The following GJA5 variants were observed in gnomAD, a reference collection of about 807,000 sequenced individuals.
GJA5 encodes the protein gap junction protein alpha 5.
A neutral mutation model predicts 7.9 loss-of-function variants in GJA5; 3 were observed. The observed-to-expected ratio is 0.38, with a 90% CI of 0.17 to 0.99. The LOEUF is 0.99. Ranked by LOEUF, GJA5 falls within the 50% of genes least tolerant of loss-of-function variation. The pLI, the probability that GJA5 is intolerant of heterozygous loss-of-function variation, is 0.38. For synonymous variants in GJA5, 193 were observed against 181.0 expected, an observed-to-expected ratio of 1.07 and a Z score of -0.53; for missense variants, 390 against 457.9, an observed-to-expected ratio of 0.85 and a Z score of 1.35.
intron 1 of GJA5, among the ~76,000 whole-genome samples, chr1:147,769,803 G>A (rs1236882068): frequency 1.3e-5 from 2 of 151,974 alleles, no homozygotes; most frequent in South Asian, 2.1e-4. Context: ...GAGGTGTAGG[G>A]CCCAATCAAA....
chr1:147,764,816 TC>T (rs2148962438), upstream of GJA5, among the ~76,000 whole-genome samples: 1 of 80,272 alleles, frequency 1.2e-5, no homozygotes, highest in East Asian at 3.4e-4. Flanking sequence ...AGAGTGAGAC[TC>T]CGTCTCAAAA....
intron 1 of GJA5, 122 bp from the exon 2 acceptor site, chr1:147,759,393 A>G (rs1553227139): frequency 3.2e-6 from 2 of 633,448 alleles, no homozygotes; most frequent in Non-Finnish European, 2.8e-6. Context: ...AAGAAAATGC[A>G]ACTTAGAAGT....
At chr1:147,771,050 C>G (rs1433589761) in intron 1 of GJA5, among the ~76,000 whole-genome samples, 1 of 152,144 alleles carries the variant, frequency 6.6e-6, no homozygotes, top group East Asian at 1.9e-4. Context: ...GGGGGCAGAG[C>G]TTTGGCCTTG....
Position 147,758,233 on chromosome 1 carries a change from C to T in GJA5, c.1006G>A (p.Gly336Ser), listed in dbSNP as rs782650035. ...GVSPGHRLPH[G>S]YHSDKRRLSK... ...AGACGTCGCTTGTCACTATGATAGC[C>T]ATGGGGAAGGCGGTGACCTGGTGAG... Residue 336 changes from glycine (G) to serine (S), a missense_variant, in exon 2 of 2, where the codon GGC becomes AGC. Coordinates refer to ENST00000579774, the MANE Select transcript of GJA5 (RefSeq NM_181703.4). 2.0e-5 allele frequency: 33 copies of T among 1,614,020 alleles called. No homozygotes were observed. Among genetic ancestry groups the T allele is most frequent in the Non-Finnish European group, 2.7e-5 (32 of 1,180,008 alleles).
At chr1:147,769,059 C>A (rs1165647252) in intron 1 of GJA5, among the ~76,000 whole-genome samples, 2 of 152,230 alleles carry the variant, frequency 1.3e-5, no homozygotes, top group Non-Finnish European at 2.9e-5. Context: ...TAGCTTCTGC[C>A]TTACTGGCTG....
intron 1 of GJA5, among the ~76,000 whole-genome samples, chr1:147,760,018 C>G: frequency 6.6e-6 from 1 of 152,026 alleles, no homozygotes; most frequent in East Asian, 1.9e-4. Flanking sequence ...AGGTGGCAAA[C>G]AAAAAGTGTG....
In GJA5 at chr1:147,759,280, G is replaced by T. The variant is rs782419411; in HGVS notation, c.-33-9C>A. On this transcript the variant is annotated splice_polypyrimidine_tract_variant and intron_variant, in intron 1 of 1. Transcript: ENST00000579774. ...AACAGATGCCAAAACTTCTGCAAATGGGAGAGAGAGAAAGAGAGAAAAGAA... is the reference window on the plus strand; with the variant it reads ...AACAGATGCCAAAACTTCTGCAAATTGGAGAGAGAGAAAGAGAGAAAAGAA... 1.6e-6 allele frequency: 2 copies of T among 1,239,816 alleles called. No individual in the cohort carries two copies. 76.8% of individuals were successfully genotyped at this position (1,239,816 alleles called of 1,614,324 possible).
intron 1 of GJA5, among the ~76,000 whole-genome samples, chr1:147,768,164 A>AAG (rs1288164276): frequency 6.6e-6 from 1 of 152,172 alleles, no homozygotes; most frequent in African/African-American, 2.4e-5. Flanking sequence ...AAGAGAGGAG[A>AAG]AGAGATGAGT....
rs971411218 is a variant in GJA5, at chr1:147,756,490, G to A, written c.*1672C>T. The A allele has an allele frequency of 1.3e-5, 2 of 152,182 alleles. No individual in the cohort carries two copies. Among genetic ancestry groups the A allele is most frequent in the African/African-American group, 2.4e-5 (1 of 41,446 alleles). The allele number at this position is 152,182 out of a possible 1,614,324, so 9.4% of individuals were successfully genotyped here. A position where few individuals can be genotyped will look rare whatever the true frequency, so the allele number is the denominator to read the frequency against. On this transcript the variant is annotated 3_prime_UTR_variant, in exon 2 of 2. Coordinates refer to ENST00000579774, the MANE Select transcript of GJA5 (RefSeq NM_181703.4). Reference sequence around the variant, plus strand: ...CTTTCCACCCAACAATAGCATCCAAGTGTCAGCAGAGGGCCCAGAGATGGG... The same window carrying A: ...CTTTCCACCCAACAATAGCATCCAAATGTCAGCAGAGGGCCCAGAGATGGG...
chr1:147,765,004 G>A (rs1414678020), upstream of GJA5, among the ~76,000 whole-genome samples: 2 of 151,942 alleles, frequency 1.3e-5, no homozygotes, highest in Non-Finnish European at 2.9e-5. Flanking sequence ...CTTAATGATT[G>A]AAGAAAATGT....
rs782410354 is a variant in GJA5, at chr1:147,758,497, A to G, written c.742T>C (p.Cys248Arg). Residue 248 changes from cysteine (C) to arginine (R), a missense_variant, in exon 2 of 2, where the codon TGC (cysteine) becomes CGC (arginine). Transcript: ENST00000579774. ...CCCACAGAGGGGCCAGAAAGCTGGC[A>G]CTTAGCCATGTGCTGCCGCGGTTTG... ...FVKPRQHMAK[C>R]QLSGPSVGIV... The G allele has an allele frequency of 3.1e-6, 5 of 1,614,084 alleles. No homozygotes were observed. The South Asian group carries it at 5.5e-5, about 18-fold the overall frequency.
chr1:147,758,064 G>T lies in GJA5; in HGVS notation c.*98C>A. On this transcript the variant is annotated 3_prime_UTR_variant, in exon 2 of 2. Coordinates refer to ENST00000579774, the MANE Select transcript of GJA5 (RefSeq NM_181703.4). Reference sequence around the variant, plus strand: ...ACCCGGGGCTCAAAGGAGCCAAGCAGTGATGACAGTGAGAAAGCATCAGTT... The same window carrying T: ...ACCCGGGGCTCAAAGGAGCCAAGCATTGATGACAGTGAGAAAGCATCAGTT... 1.1e-6 allele frequency: 1 copy of T among 876,610 alleles called. No homozygotes were observed. The highest frequency in any genetic ancestry group is 1.9e-6 in the Non-Finnish European group (1 of 513,784). The allele number at this position is 876,610 out of a possible 1,614,324, so 54.3% of individuals were successfully genotyped here.
chr1:147,765,672 A>C (rs1664173927), intron 1 of GJA5, among the ~76,000 whole-genome samples: 1 of 152,202 alleles, frequency 6.6e-6, no homozygotes. Context: ...GCAGGAGCAG[A>C]TTGTGGAGGG....
intron 1 of GJA5, among the ~76,000 whole-genome samples, chr1:147,766,463 G>A (rs1406110690): frequency 6.6e-6 from 1 of 152,088 alleles, no homozygotes; most frequent in African/African-American, 2.4e-5. Context: ...CAGTGGAGGG[G>A]CCTGCCTGGG....
chr1:147,767,399 T>C (rs997157381), intron 1 of GJA5, among the ~76,000 whole-genome samples: 3 of 151,770 alleles, frequency 2.0e-5, no homozygotes, highest in African/African-American at 4.8e-5. Flanking sequence ...CTTTTTTTTT[T>C]TTTCTTGAGA....
At chr1:147,764,517 A>G (rs970621172), upstream of GJA5, among the ~76,000 whole-genome samples, 3 of 151,188 alleles carry the variant, frequency 2.0e-5, no homozygotes, top group Admixed American at 1.3e-4. Context: ...TGGGCACTCA[A>G]TGGTGTCTAT....
intron 1 of GJA5, among the ~76,000 whole-genome samples, chr1:147,768,426 G>A: frequency 6.6e-6 from 1 of 151,996 alleles, no homozygotes; most frequent in East Asian, 1.9e-4. Context: ...TGAAAGAAAG[G>A]GAGTAGTAAA....
In GJA5 at chr1:147,757,823, G is replaced by C. The variant is rs1281781275; in HGVS notation, c.*339C>G. On this transcript the variant is annotated 3_prime_UTR_variant, in exon 2 of 2. Transcript: ENST00000579774. ...GCATTTGGTATGCTGCTGGTATGTA[G>C]AGAGAGAGTCATTCTATCCCTCTGG... 2.7e-6 allele frequency: 1 copy of C among 368,178 alleles called. No homozygotes were observed. The highest frequency in any genetic ancestry group is 5.1e-6 in the Non-Finnish European group (1 of 195,652). 22.8% of individuals were successfully genotyped at this position (368,178 alleles called of 1,614,324 possible). A position where few individuals can be genotyped will look rare whatever the true frequency, so the allele number is the denominator to read the frequency against.
intron 1 of GJA5, among the ~76,000 whole-genome samples, chr1:147,769,035 A>G (rs1015092095): frequency 3.9e-5 from 6 of 152,218 alleles, no homozygotes; most frequent in Admixed American, 2.0e-4. Context: ...GAAGAGACCC[A>G]GCGTTTTTCC....
Sources: gnomAD v4.1 joint callset for allele counts (sites outside exome capture counted in the v4.1 genomes callset) on GRCh38, gnomAD v4.1.1 for gene constraint, MANE v1.5 for transcripts, NCBI Gene and HGNC (gene_info 2026-07-23, HGNC 2026-07-21) for gene names.